The following STAT4 variants were observed in gnomAD, a reference collection of about 807,000 sequenced individuals.
The protein encoded by STAT4 is signal transducer and activator of transcription 4.
In STAT4, 42 loss-of-function variants were observed where a neutral mutation model predicts 110.5. The observed-to-expected ratio is 0.38, with a 90% CI of 0.30 to 0.49. STAT4 has a LOEUF of 0.49. STAT4 is among the 20% of genes least tolerant of loss of function. The pLI, the probability that STAT4 is intolerant of heterozygous loss-of-function variation, is 0.95. For missense variants in STAT4, 632 were observed against 887.9 expected, an observed-to-expected ratio of 0.71 and a Z score of 3.66; for synonymous variants, 284 against 302.2, an observed-to-expected ratio of 0.94 and a Z score of 0.63.
rs1305275506 is a variant in STAT4 at position 191,090,655 on chromosome 2, A to G, written c.274-14330T>C. Among the ~76,000 whole-genome samples the G allele has an allele frequency of 6.6e-6, 1 of 151,938 alleles. No homozygotes were observed. Among genetic ancestry groups the G allele is most frequent in the African/African-American group, 2.4e-5 (1 of 41,352 alleles). The stretch of plus-strand genomic sequence containing the variant: ...CGCCCACTGCAACCTCTGCCTCCTG[A>G]GTTCATGCCATTCTCCTGCCTCAGC... On this transcript the variant is annotated intron_variant, in intron 3 of 23. Coordinates refer to ENST00000392320, the MANE Select transcript of STAT4 (RefSeq NM_003151.4). The surrounding 1 kb of genome is among the most constrained non-coding windows in gnomAD (Gnocchi z 4.2).
chr2:191,133,951 A>G (rs141300731), intron 3 of STAT4, among the ~76,000 whole-genome samples: 1 of 152,368 alleles, frequency 6.6e-6, no homozygotes, highest in East Asian at 1.9e-4. Context: ...CCATGCAAAG[A>G]CACAAAGGAA....
Position 191,032,754 on chromosome 2 carries a change from C to T in STAT4, c.2044+204G>A, listed in dbSNP as rs151021250. 1.8e-4 allele frequency: 97 copies of T among 553,552 alleles called. No homozygotes were observed. In the East Asian group the frequency reaches 2.8e-3, roughly 16 times the overall value. The allele number at this position is 553,552 out of a possible 1,614,324, so 34.3% of individuals were successfully genotyped here. A position where few individuals can be genotyped will look rare whatever the true frequency, so the allele number is the denominator to read the frequency against. ...AGTTTAGTTACAGCTGCTTATTACT[C>T]GCTAGTGTTAGAAAGCCCAGCGGTC... is the stretch of plus-strand genomic sequence containing the variant. On this transcript the variant is annotated intron_variant, in intron 21 of 23. Transcript: ENST00000392320. This position sits in a 1 kb window ranked among gnomAD's most constrained non-coding sequence, Gnocchi z 4.9.
At chr2:191,070,083 G>A (rs905208355) in intron 5 of STAT4, among the ~76,000 whole-genome samples, 1 of 152,042 alleles carries the variant, frequency 6.6e-6, no homozygotes, top group South Asian at 2.1e-4. Flanking sequence ...TGGAGAATAT[G>A]AATATTTTTG....
intron 14 of STAT4, 55 bp from the exon 15 acceptor site, chr2:191,041,203 A>C: frequency 9.9e-7 from 1 of 1,011,400 alleles, no homozygotes; most frequent in Non-Finnish European, 1.3e-6. Flanking sequence ...ACTATCTAAT[A>C]GAAGACTTGT....
intron 4 of STAT4, among the ~76,000 whole-genome samples, chr2:191,073,513 C>T (rs1697224520): frequency 6.6e-6 from 1 of 152,080 alleles, no homozygotes; most frequent in Admixed American, 6.5e-5. Flanking sequence ...ATGGTGAAAC[C>T]CTGTCTCTAC....
At position 191,090,718 on chromosome 2, in the gene STAT4, G is replaced by T. The variant is rs951999675; in HGVS notation, c.274-14393C>A. On this transcript the variant is annotated intron_variant, in intron 3 of 23. Coordinates refer to ENST00000392320, the MANE Select transcript of STAT4 (RefSeq NM_003151.4). This position sits in a 1 kb window ranked among gnomAD's most constrained non-coding sequence, Gnocchi z 4.2. ...TGGGACTAGAGGCACCCGCCACCAT[G>T]CCCGGCTAATTTTTTGTATTTTTAG... Among the ~76,000 whole-genome samples, 2 of 152,042 alleles carry T rather than the reference G, an allele frequency of 1.3e-5. No individual in the cohort carries two copies. Among genetic ancestry groups the T allele is most frequent in the African/African-American group, 4.8e-5 (2 of 41,460 alleles).
Position 191,099,647 on chromosome 2 carries a change from AT to A in STAT4, c.274-23323del, listed in dbSNP as rs1387078872. 1.3e-5 allele frequency among the ~76,000 whole-genome samples: 2 copies of A among 152,180 alleles called. No individual in the cohort carries two copies. The highest frequency in any genetic ancestry group is 2.9e-5 in the Non-Finnish European group (2 of 68,000). On this transcript the variant is annotated intron_variant, in intron 3 of 23. Coordinates refer to ENST00000392320, the MANE Select transcript of STAT4 (RefSeq NM_003151.4). The surrounding 1 kb of genome is among the most constrained non-coding windows in gnomAD (Gnocchi z 4.1). ...ACATGTACACATTATATTTTTAAAA[AT>A]ATCCACAAATTATATCTTTTCCATT...
At position 191,112,023 on chromosome 2, in the gene STAT4, A is replaced by G. The variant is rs1414243547; in HGVS notation, c.273+34590T>C. On this transcript the variant is annotated intron_variant, in intron 3 of 23. Transcript: ENST00000392320. This position sits in a 1 kb window ranked among gnomAD's most constrained non-coding sequence, Gnocchi z 4.3. Reference sequence around the variant, plus strand: ...AGGGATTAGGAAGGGACATGAGGAAACTTTCAAGGGTGCTGGATATTTTTA... The same window carrying G: ...AGGGATTAGGAAGGGACATGAGGAAGCTTTCAAGGGTGCTGGATATTTTTA... Among the ~76,000 whole-genome samples, 1 of 152,084 alleles carries G rather than the reference A, an allele frequency of 6.6e-6. No homozygotes were observed. The highest frequency in any genetic ancestry group is 1.5e-5 in the Non-Finnish European group (1 of 68,012).
chr2:191,115,828 G>T (rs937766893), intron 3 of STAT4, among the ~76,000 whole-genome samples: 1 of 152,154 alleles, frequency 6.6e-6, no homozygotes, highest in African/African-American at 2.4e-5. Context: ...TATATGTTAT[G>T]CCAGGATTAT....
intron 3 of STAT4, among the ~76,000 whole-genome samples, chr2:191,092,840 C>T (rs1457010213): frequency 6.6e-6 from 1 of 152,162 alleles, no homozygotes; most frequent in South Asian, 2.1e-4. Flanking sequence ...GACACTCCCA[C>T]CCAAATACTG....
In STAT4 at chr2:191,082,600, A is replaced by C. The variant is rs1166397164; in HGVS notation, c.274-6275T>G. On this transcript the variant is annotated intron_variant, in intron 3 of 23. Transcript: ENST00000392320. This position sits in a 1 kb window ranked among gnomAD's most constrained non-coding sequence, Gnocchi z 4.7. ...AAAATGTGGAGAACAGTGTCATAGA[A>C]TCCATGAACATGCTATTTATTCTTT... Among the ~76,000 whole-genome samples the C allele has an allele frequency of 1.3e-5, 2 of 152,236 alleles. No homozygotes were observed. Among genetic ancestry groups the C allele is most frequent in the African/African-American group, 4.8e-5 (2 of 41,466 alleles).
At chr2:191,130,300 G>A (rs1698998631) in intron 3 of STAT4, among the ~76,000 whole-genome samples, 1 of 144,908 alleles carries the variant, frequency 6.9e-6, no homozygotes. Context: ...TCAGCTCACT[G>A]CAAGCTAGGG....
intron 3 of STAT4, among the ~76,000 whole-genome samples, chr2:191,120,457 C>T (rs1202849908): frequency 6.6e-6 from 1 of 152,114 alleles, no homozygotes; most frequent in Non-Finnish European, 1.5e-5. Context: ...TGGTGGCATG[C>T]TAGTGAGCCG....
chr2:191,101,201 A>T (rs892703898), intron 3 of STAT4, among the ~76,000 whole-genome samples: 3 of 152,176 alleles, frequency 2.0e-5, no homozygotes, highest in African/African-American at 7.2e-5. Flanking sequence ...TAAGATTGAT[A>T]AAAATAACTG....
intron 13 of STAT4, among the ~76,000 whole-genome samples, chr2:191,056,085 A>G (rs1431985077): frequency 2.0e-5 from 3 of 152,232 alleles, no homozygotes; most frequent in African/African-American, 7.2e-5. Flanking sequence ...AAAACCAAAC[A>G]TTTTATCTTT....
chr2:191,076,300 T>C lies in STAT4; in HGVS notation c.299A>G (p.His100Arg), dbSNP rs1267779076. Residue 100 changes from histidine (H) to arginine (R), a missense_variant, in exon 4 of 24, where the codon CAT becomes CGT. This residue lies in a region of STAT4 where 488 missense variants were observed against 632.8 expected (regional missense o/e 0.77). Coordinates refer to ENST00000392320, the MANE Select transcript of STAT4 (RefSeq NM_003151.4). ...ACAGTTTGAAATAACCACAGCTACA[T>C]GCATTGGATTTCCATGAAATTTTCC... The part of the protein sequence containing the change: ...LQGKFHGNPM[H>R]VAVVISNCLR... 25 of 1,603,192 alleles carry C rather than the reference T, an allele frequency of 1.6e-5. No individual in the cohort carries two copies. The highest frequency in any genetic ancestry group is 2.0e-5 in the Non-Finnish European group (23 of 1,176,628).
intron 3 of STAT4, among the ~76,000 whole-genome samples, chr2:191,089,074 G>A (rs576319272): frequency 5.9e-5 from 9 of 152,208 alleles, no homozygotes; most frequent in Middle Eastern, 3.4e-3. Context: ...TTCATGAAAC[G>A]ACAGATTGAT....
intron 18 of STAT4, among the ~76,000 whole-genome samples, 200 bp downstream of exon 18, chr2:191,034,348 G>A (rs963169619): frequency 4.0e-5 from 6 of 151,610 alleles, no homozygotes; most frequent in Admixed American, 1.3e-4. Context: ...GCATGAACCC[G>A]GGAGGCAGAG....
rs1696184204 is a variant in STAT4, at chr2:191,041,058, C to T, written c.1335+7G>A. 2 of 1,434,594 alleles carry T rather than the reference C, an allele frequency of 1.4e-6. No individual in the cohort carries two copies. The highest frequency in any genetic ancestry group is 5.3e-5 in the East Asian group (2 of 37,924). 88.9% of individuals were successfully genotyped at this position (1,434,594 alleles called of 1,614,324 possible). A position where few individuals can be genotyped will look rare whatever the true frequency, so the allele number is the denominator to read the frequency against. The stretch of plus-strand genomic sequence containing the variant: ...TAGTAAATAGTGTATGTTCTTGAAA[C>T]ACCTACCTCCAAATCTATGGTCAGG... On this transcript the variant is annotated splice_region_variant and intron_variant, in intron 15 of 23. Coordinates refer to ENST00000392320, the MANE Select transcript of STAT4 (RefSeq NM_003151.4).
Sources: allele counts gnomAD v4.1 joint callset (sites outside exome capture counted in the v4.1 genomes callset), GRCh38; gene constraint gnomAD v4.1.1; regional missense constraint gnomAD v4.1.1; non-coding constraint Gnocchi (gnomAD v3.1); transcripts MANE v1.5; gene names NCBI Gene and HGNC (gene_info 2026-07-23, HGNC 2026-07-21).